Variants in MMP26 observed in about 807,000 individuals in gnomAD.
MMP26 encodes the protein matrix metalloproteinase-26.
Under a neutral mutation model 31.0 loss-of-function variants are expected in MMP26, and 33 were observed. The observed-to-expected ratio is 1.06, with a 90% CI of 0.81 to 1.42. The LOEUF (loss-of-function observed/expected upper bound fraction) is 1.42, where lower values mean the gene tolerates loss of function less well. Ranked by LOEUF, MMP26 falls within the 40% of genes most tolerant of loss-of-function variation. The pLI, the probability that MMP26 is intolerant of heterozygous loss-of-function variation, is 0.00. For synonymous variants in MMP26, 122 were observed against 114.9 expected (o/e 1.06, Z -0.40); for missense variants, 347 against 316.1 (o/e 1.10, Z -0.74).
Position 4,992,328 on chromosome 11 carries a change from G to T in MMP26, c.*86G>T, listed in dbSNP as rs184542325. 8.3e-6 allele frequency: 11 copies of T among 1,331,794 alleles called. No homozygotes were observed. In the African/African-American group the frequency reaches 1.2e-4, roughly 14 times the overall value. 82.5% of individuals were successfully genotyped at this position (1,331,794 alleles called of 1,614,324 possible). A position where few individuals can be genotyped will look rare whatever the true frequency, so the allele number is the denominator to read the frequency against. On this transcript the variant is annotated 3_prime_UTR_variant, in exon 8 of 8. Transcript: ENST00000380390. ...ACTGAAAGCACTAGAGCAGCCTTGGGGACTGCTAGGATGAAGCCCTAAAGA... is the reference window on the plus strand; with the variant it reads ...ACTGAAAGCACTAGAGCAGCCTTGGTGACTGCTAGGATGAAGCCCTAAAGA...
intron 1 of MMP26, among the ~76,000 whole-genome samples, chr11:4,706,417 C>T (rs1476489610): frequency 6.6e-6 from 1 of 151,246 alleles, no homozygotes; most frequent in Admixed American, 6.6e-5. Context: ...AAAAAATTAT[C>T]CAGGCATGAT....
chr11:4,810,202 A>G (rs1849330860), intron 2 of MMP26, among the ~76,000 whole-genome samples: 3 of 151,730 alleles, frequency 2.0e-5, no homozygotes. Flanking sequence ...TGTTGTTGAG[A>G]TTGTATGAAT....
At chr11:4,796,584 C>G (rs188605830) in intron 2 of MMP26, among the ~76,000 whole-genome samples, 6 of 152,292 alleles carry the variant, frequency 3.9e-5, no homozygotes, top group Admixed American at 2.6e-4. Flanking sequence ...CATAAATATA[C>G]AGACTTTTAA....
chr11:4,826,814 G>A (rs1849583796), intron 2 of MMP26, among the ~76,000 whole-genome samples: 1 of 152,050 alleles, frequency 6.6e-6, no homozygotes, highest in African/African-American at 2.4e-5. Context: ...ATACCATTAT[G>A]GGTGACTATT....
chr11:4,928,205 C>T (rs546941959), intron 2 of MMP26, among the ~76,000 whole-genome samples: 3 of 152,110 alleles, frequency 2.0e-5, no homozygotes, highest in African/African-American at 4.8e-5. Flanking sequence ...GATCCTAGTA[C>T]ACTATCAGAC....
chr11:4,901,062 G>A (rs74054648), intron 2 of MMP26, among the ~76,000 whole-genome samples: 4,927 of 151,214 alleles, frequency 0.033, 262 homozygotes, highest in African/African-American at 0.11. Flanking sequence ...GATCATCCAC[G>A]TAGCTACAAG....
At chr11:4,757,688 C>T (rs912278758) in intron 1 of MMP26, among the ~76,000 whole-genome samples, 17 of 150,588 alleles carry the variant, frequency 1.1e-4, no homozygotes, top group African/African-American at 2.9e-4. Flanking sequence ...AACAAGCCCA[C>T]GAAAGTTGAG....
rs1314735548 is a variant in MMP26, at chr11:4,808,536, T to A, written c.-145+41195T>A. Among the ~76,000 whole-genome samples the A allele has an allele frequency of 2.6e-5, 4 of 152,052 alleles. No individual in the cohort carries two copies. The East Asian group carries it at 7.8e-4, about 30-fold the overall frequency. ...CTGCCCATGAGCCTTAATGGAGAAC[T>A]CTCCTGTTCTGCACCCTCCTTAGGA... On this transcript the variant is annotated intron_variant, in intron 2 of 7. Coordinates refer to ENST00000380390, the MANE Select transcript of MMP26 (RefSeq NM_021801.5).
intron 2 of MMP26, among the ~76,000 whole-genome samples, chr11:4,870,422 G>A (rs1043357947): frequency 2.6e-5 from 4 of 152,092 alleles, no homozygotes; most frequent in Admixed American, 2.0e-4. Context: ...AGAAAATGGG[G>A]CTACAGTGTG....
intron 2 of MMP26, chr11:4,946,344 A>G (rs1305769214): frequency 3.7e-6 from 6 of 1,613,778 alleles, no homozygotes; most frequent in Non-Finnish European, 3.4e-6. Flanking sequence ...ATGGGCAGGT[A>G]GAAGATGATC....
chr11:4,710,388 G>A (rs1309778228), intron 1 of MMP26: 1 of 456,878 alleles, frequency 2.2e-6, no homozygotes, highest in Admixed American at 2.3e-5. Flanking sequence ...CCCTCCCCTT[G>A]TGCACATGCT....
At chr11:4,944,708 T>G (rs574630005) in intron 2 of MMP26, 1 of 152,216 alleles carries the variant, frequency 6.6e-6, no homozygotes, top group African/African-American at 2.4e-5. Context: ...TGAGGTCATA[T>G]TAGGAAGGAA....
intron 2 of MMP26, among the ~76,000 whole-genome samples, chr11:4,962,924 G>T (rs893450165): frequency 1.3e-5 from 2 of 152,152 alleles, no homozygotes; most frequent in Non-Finnish European, 2.9e-5. Flanking sequence ...AAGTACAGGG[G>T]AAATAGAAAC....
chr11:4,850,995 A>G (rs1849968160), intron 2 of MMP26, among the ~76,000 whole-genome samples: 1 of 152,186 alleles, frequency 6.6e-6, no homozygotes, highest in Non-Finnish European at 1.5e-5. Flanking sequence ...TTAAAAAGCA[A>G]TAAATAGAAA....
At chr11:4,936,339 T>C (rs1022451605) in intron 2 of MMP26, among the ~76,000 whole-genome samples, 1 of 151,950 alleles carries the variant, frequency 6.6e-6, no homozygotes. Flanking sequence ...TATCCATTTC[T>C]TCTAGATTTT....
chr11:4,952,283 G>T (rs1330485625), intron 2 of MMP26, among the ~76,000 whole-genome samples: 3 of 124,838 alleles, frequency 2.4e-5, no homozygotes, highest in Non-Finnish European at 3.6e-5. Context: ...TATCCTGAAA[G>T]AATAAGATGC....
chr11:4,992,262 T>C lies in MMP26; in HGVS notation c.*20T>C. The C allele has an allele frequency of 6.2e-7, 1 of 1,606,814 alleles. No individual in the cohort carries two copies. Among genetic ancestry groups the C allele is most frequent in the Non-Finnish European group, 8.5e-7 (1 of 1,176,118 alleles). On this transcript the variant is annotated 3_prime_UTR_variant, in exon 8 of 8. Coordinates refer to ENST00000380390, the MANE Select transcript of MMP26 (RefSeq NM_021801.5). ...CCTTAATGTTAGCACAGAGGACTTA[T>C]TCAACCTGTCCTTTCAGGGAGTTTA...
intron 2 of MMP26, among the ~76,000 whole-genome samples, chr11:4,906,506 A>G (rs1372351945): frequency 6.6e-6 from 1 of 152,196 alleles, no homozygotes; most frequent in African/African-American, 2.4e-5. Flanking sequence ...TCATGTATAA[A>G]ATGTGCATAA....
At chr11:4,854,227 G>C (rs1276901831) in intron 2 of MMP26, among the ~76,000 whole-genome samples, 1 of 152,152 alleles carries the variant, frequency 6.6e-6, no homozygotes, top group Admixed American at 6.5e-5. Flanking sequence ...TGGACAGTGG[G>C]TGCAGGCCAC....
Sources: gnomAD v4.1 joint callset for allele counts (sites outside exome capture counted in the v4.1 genomes callset) on GRCh38, gnomAD v4.1.1 for gene constraint, MANE v1.5 for transcripts, NCBI Gene and HGNC (gene_info 2026-07-23, HGNC 2026-07-21) for gene names.